LRRC4C: variants seen among roughly 807,000 people sequenced by gnomAD.
The protein encoded by LRRC4C is leucine-rich repeat-containing protein 4C.
LRRC4C carries 5 observed loss-of-function variants against 33.6 expected under a neutral mutation model. That is an observed-to-expected ratio of 0.15 (90% confidence interval 0.08 to 0.31). The LOEUF (loss-of-function observed/expected upper bound fraction) is 0.31. Among genes scored for constraint, LRRC4C ranks in the 10% least tolerant of loss-of-function variants. The pLI, the probability that LRRC4C is intolerant of heterozygous loss-of-function variation, is 1.00. For synonymous variants in LRRC4C, 329 were observed against 302.0 expected (o/e 1.09, Z -0.93); for missense variants, 560 against 796.7 (o/e 0.70, Z 3.58).
intron 3 of LRRC4C, among the ~76,000 whole-genome samples, chr11:40,605,542 C>T (rs1372908082): frequency 1.3e-5 from 2 of 152,178 alleles, no homozygotes; most frequent in Non-Finnish European, 2.9e-5. Context: ...TTGTTCACCA[C>T]AGTCCTTCTC....
At chr11:40,214,022 A>G (rs1289520738) in intron 5 of LRRC4C, among the ~76,000 whole-genome samples, 1 of 152,200 alleles carries the variant, frequency 6.6e-6, no homozygotes, top group Non-Finnish European at 1.5e-5. Flanking sequence ...GTTAGTAAAC[A>G]AAAGTTAAAC....
At chr11:40,972,104 T>A (rs371031436) in intron 1 of LRRC4C, among the ~76,000 whole-genome samples, 1 of 151,966 alleles carries the variant, frequency 6.6e-6, no homozygotes, top group African/African-American at 2.4e-5. Flanking sequence ...CTGGAATGAG[T>A]TAAAACTCTG....
At chr11:41,396,906 A>G (rs543463623) in intron 1 of LRRC4C, among the ~76,000 whole-genome samples, 5 of 152,178 alleles carry the variant, frequency 3.3e-5, no homozygotes, top group Non-Finnish European at 2.9e-5. Context: ...GTAAAGAGAC[A>G]GCCTACAAAG....
intron 5 of LRRC4C, among the ~76,000 whole-genome samples, chr11:40,240,008 C>T (rs1865824948): frequency 6.6e-6 from 1 of 152,152 alleles, no homozygotes; most frequent in African/African-American, 2.4e-5. Context: ...TCGGAACTGG[C>T]ATTTTAACAT....
At chr11:40,719,152 G>C (rs1591544482) in intron 2 of LRRC4C, among the ~76,000 whole-genome samples, 1 of 152,292 alleles carries the variant, frequency 6.6e-6, no homozygotes, top group South Asian at 2.1e-4. Flanking sequence ...CCTTCTTGCT[G>C]TCAAAAGATA....
chr11:41,304,558 G>A (rs560389246), intron 1 of LRRC4C, among the ~76,000 whole-genome samples: 23 of 88,718 alleles, frequency 2.6e-4, no homozygotes, highest in Admixed American at 7.6e-4. Flanking sequence ...CAGCCGCCCC[G>A]TCTGGGAGGG....
At chr11:40,234,730 C>T (rs997715994) in intron 5 of LRRC4C, among the ~76,000 whole-genome samples, 1 of 152,304 alleles carries the variant, frequency 6.6e-6, no homozygotes, top group East Asian at 1.9e-4. Context: ...ATGACTGTGC[C>T]ACTGCACTCC....
chr11:41,089,654 A>G (rs1433800393), intron 1 of LRRC4C, among the ~76,000 whole-genome samples: 1 of 151,978 alleles, frequency 6.6e-6, no homozygotes, highest in Non-Finnish European at 1.5e-5. Context: ...AATTCAATTT[A>G]TTTTTCTTAA....
chr11:40,435,156 AG>A (rs1951094253), intron 3 of LRRC4C, among the ~76,000 whole-genome samples: 1 of 152,186 alleles, frequency 6.6e-6, no homozygotes, highest in Admixed American at 6.5e-5. Context: ...CCATTCATCC[AG>A]GCTTTGTTTA....
intron 5 of LRRC4C, among the ~76,000 whole-genome samples, chr11:40,189,259 A>C (rs1861640576): frequency 6.6e-6 from 1 of 151,952 alleles, no homozygotes; most frequent in African/African-American, 2.4e-5. Context: ...AATGTTTTTT[A>C]AAAGCTGTTT....
At chr11:41,187,684 G>A (rs1704063319) in intron 1 of LRRC4C, among the ~76,000 whole-genome samples, 1 of 152,218 alleles carries the variant, frequency 6.6e-6, no homozygotes, top group South Asian at 2.1e-4. Flanking sequence ...TAATAGAGCT[G>A]ATTAGCACAA....
chr11:41,062,212 C>A (rs1937833283), intron 1 of LRRC4C, among the ~76,000 whole-genome samples: 1 of 152,082 alleles, frequency 6.6e-6, no homozygotes, highest in African/African-American at 2.4e-5. Flanking sequence ...AGCCTAGTAC[C>A]CATTAGTTAT....
intron 3 of LRRC4C, among the ~76,000 whole-genome samples, chr11:40,322,788 T>C (rs985023455): frequency 2.0e-5 from 3 of 152,152 alleles, no homozygotes; most frequent in Non-Finnish European, 4.4e-5. Flanking sequence ...GAAATTTCTA[T>C]AGGGTACTTT....
chr11:41,334,702 A>G (rs1951396944), intron 1 of LRRC4C, among the ~76,000 whole-genome samples: 1 of 152,182 alleles, frequency 6.6e-6, no homozygotes, highest in African/African-American at 2.4e-5. Flanking sequence ...TAAAAAAACA[A>G]TAGTCGGGTG....
intron 3 of LRRC4C, among the ~76,000 whole-genome samples, chr11:40,403,956 G>T (rs554136404): frequency 6.6e-6 from 1 of 152,248 alleles, no homozygotes; most frequent in Non-Finnish European, 1.5e-5. Context: ...CAAGATAATA[G>T]ATTATTTCAA....
At chr11:40,285,034 T>C (rs1943740301) in intron 4 of LRRC4C, among the ~76,000 whole-genome samples, 1 of 152,124 alleles carries the variant, frequency 6.6e-6, no homozygotes, top group Non-Finnish European at 1.5e-5. Context: ...CTACTGTAAT[T>C]TAATAAAAAC....
chr11:41,227,499 T>C (rs750162802), intron 1 of LRRC4C, among the ~76,000 whole-genome samples: 1 of 151,958 alleles, frequency 6.6e-6, no homozygotes, highest in Non-Finnish European at 1.5e-5. Flanking sequence ...AATATTTACA[T>C]TTTGCTTTTA....
intron 1 of LRRC4C, among the ~76,000 whole-genome samples, chr11:41,367,868 A>G (rs1469233138): frequency 6.6e-6 from 1 of 152,170 alleles, no homozygotes; most frequent in Non-Finnish European, 1.5e-5. Flanking sequence ...ATGATTCATA[A>G]TCCCTTTTTA....
At chr11:41,249,538 T>C (rs577901352) in intron 1 of LRRC4C, among the ~76,000 whole-genome samples, 1 of 152,232 alleles carries the variant, frequency 6.6e-6, no homozygotes, top group East Asian at 1.9e-4. Flanking sequence ...ACTTATAGCA[T>C]CCTACCTTTT....
Sources: allele counts gnomAD v4.1 joint callset (sites outside exome capture counted in the v4.1 genomes callset), GRCh38; gene constraint gnomAD v4.1.1; transcripts MANE v1.5; gene names NCBI Gene and HGNC (gene_info 2026-07-23, HGNC 2026-07-21).